Variants in WDR86 observed in about 807,000 individuals in gnomAD.
WDR86 encodes the protein WD repeat-containing protein 86.
A neutral mutation model predicts 36.5 loss-of-function variants in WDR86; 30 were observed. The ratio of observed to expected loss-of-function variants is 0.82; its 90% CI spans 0.61 to 1.11. The LOEUF (loss-of-function observed/expected upper bound fraction) is 1.11. Among genes scored for constraint, WDR86 ranks in the 50% most tolerant of loss-of-function variants. WDR86 has a pLI of 0.00. For missense variants in WDR86, 545 were observed against 561.2 expected (o/e 0.97, Z 0.29); for synonymous variants, 255 against 252.9 (o/e 1.01, Z -0.08).
intron 2 of WDR86, among the ~76,000 whole-genome samples, chr7:151,397,103 G>C (rs1243256757): frequency 6.6e-6 from 1 of 152,234 alleles, no homozygotes; most frequent in African/African-American, 2.4e-5. Context: ...TGCACCTCAG[G>C]AGAGGAGACC....
intron 2 of WDR86, 123 bp downstream of exon 2, chr7:151,399,977 C>T: frequency 2.1e-6 from 2 of 930,924 alleles, no homozygotes; most frequent in Non-Finnish European, 3.0e-6. Flanking sequence ...CCCAGCTGTC[C>T]ACGTTTTTGC....
chr7:151,374,153 C>T, downstream of WDR86: 1 of 1,576,796 alleles, frequency 6.3e-7, no homozygotes, highest in Non-Finnish European at 8.6e-7. Context: ...GCCTCGAGAA[C>T]ATCAGGTTTC....
At position 151,381,888 on chromosome 7, in the gene WDR86, T is replaced by G; in HGVS notation, c.956A>C (p.Asn319Thr). The G allele has an allele frequency of 6.2e-7, 1 of 1,608,298 alleles. No homozygotes were observed. Among genetic ancestry groups the G allele is most frequent in the Non-Finnish European group, 8.5e-7 (1 of 1,178,158 alleles). ...GGCAGAGGGACCTACCTGGATGCAG[T>G]TGATGATGAATGTGTGGCCCCGGAA... ...RVFRGHTFIINCIQVHGQVLY... is the reference protein window; with the variant it reads ...RVFRGHTFIITCIQVHGQVLY... Residue 319 changes from asparagine to threonine, a missense_variant, in exon 5 of 6, where the codon AAC becomes ACC. Asn to Thr is a moderately conservative substitution (Grantham distance 65, BLOSUM62 0). Transcript: ENST00000334493. This position sits in a 1 kb window ranked among gnomAD's most constrained non-coding sequence, Gnocchi z 4.8.
chr7:151,389,827 T>G (rs933036414), intron 3 of WDR86, among the ~76,000 whole-genome samples: 3 of 152,190 alleles, frequency 2.0e-5, no homozygotes, highest in African/African-American at 7.2e-5. Context: ...CCCGACTGCA[T>G]GCCGAGAGCA....
chr7:151,371,293 C>T (rs772810327), downstream of WDR86, among the ~76,000 whole-genome samples: 1 of 152,114 alleles, frequency 6.6e-6, no homozygotes, highest in Non-Finnish European at 1.5e-5. Context: ...TAGGATAGGT[C>T]TCAGGGTTAG....
rs1800687981 is a variant in WDR86 at position 151,406,166 on chromosome 7, C to T, written c.163+3261G>A. Among the ~76,000 whole-genome samples the T allele has an allele frequency of 6.6e-6, 1 of 152,190 alleles. No individual in the cohort carries two copies. The highest frequency in any genetic ancestry group is 6.5e-5 in the Admixed American group (1 of 15,290). On this transcript the variant is annotated intron_variant, in intron 1 of 5. Coordinates refer to ENST00000334493, the MANE Select transcript of WDR86 (RefSeq NM_198285.3). The surrounding 1 kb of genome is among the most constrained non-coding windows in gnomAD (Gnocchi z 4.4). ...AATTCCGTGTATGAACAAGTGAATG[C>T]ACCCACAGGGAGGGGCTCCCCACAC...
the WDR86 span, among the ~76,000 whole-genome samples, chr7:151,370,392 A>C: frequency 6.6e-6 from 1 of 152,290 alleles, no homozygotes; most frequent in African/African-American, 2.4e-5. Context: ...ACCAGCTGAA[A>C]AGTTGAGTTC....
Position 151,402,525 on chromosome 7 carries a change from C to T in WDR86, c.164-2284G>A, listed in dbSNP as rs112568208. On this transcript the variant is annotated intron_variant, in intron 1 of 5. Coordinates refer to ENST00000334493, the MANE Select transcript of WDR86 (RefSeq NM_198285.3). ...CCACTGGCAGCGGCTGGCTGGGGCT[C>T]GGGAGAGAAGCCTGAGCACTGGAGA... 3.6e-4 allele frequency among the ~76,000 whole-genome samples: 55 copies of T among 152,294 alleles called. No individual in the cohort carries two copies. In the East Asian group the frequency reaches 6.7e-3, roughly 19 times the overall value.
downstream of WDR86, chr7:151,377,270 C>T: frequency 1.5e-6 from 2 of 1,308,954 alleles, no homozygotes; most frequent in South Asian, 1.5e-5. Context: ...TAAATGCTAT[C>T]ATTATGAAAA....
chr7:151,378,108 T>C (rs1452269529), downstream of WDR86: 1 of 152,266 alleles, frequency 6.6e-6, no homozygotes, highest in Non-Finnish European at 1.5e-5. Flanking sequence ...ACAGAGGCTC[T>C]TTCTAAAAGT....
chr7:151,409,578 G>A lies in WDR86; in HGVS notation c.12C>T (p.Gly4=), dbSNP rs776646428. 8 of 1,401,740 alleles carry A rather than the reference G, an allele frequency of 5.7e-6. No individual in the cohort carries two copies. The East Asian group carries it at 1.2e-4, about 20-fold the overall frequency. The allele number at this position is 1,401,740 out of a possible 1,614,324, so 86.8% of individuals were successfully genotyped here. A position where few individuals can be genotyped will look rare whatever the true frequency, so the allele number is the denominator to read the frequency against. MGG[G]GSALRVCADH... ...CGGCGCAGACCCTCAGGGCCGACCC[G>A]CCGCCCCCCATCCCGCTGGCAGGGC... The change falls in exon 1 of 6, where the codon GGC becomes GGT. Residue 4 remains glycine, a synonymous_variant. Coordinates refer to ENST00000334493, the MANE Select transcript of WDR86 (RefSeq NM_198285.3). This position sits in a 1 kb window ranked among gnomAD's most constrained non-coding sequence, Gnocchi z 5.2.
chr7:151,397,675 A>AGG (rs113644518), intron 2 of WDR86, among the ~76,000 whole-genome samples: 2 of 40,112 alleles, frequency 5.0e-5, no homozygotes, highest in Non-Finnish European at 5.4e-5. Flanking sequence ...CGGGAGGAAG[A>AGG]GCATAGCGGG....
downstream of WDR86, among the ~76,000 whole-genome samples, chr7:151,371,688 C>T (rs1797965326): frequency 6.6e-6 from 1 of 152,194 alleles, no homozygotes; most frequent in African/African-American, 2.4e-5. Flanking sequence ...ATCTGCTGCC[C>T]TCGGAGTTCC....
intron 2 of WDR86, 142 bp from the exon 3 acceptor site, chr7:151,396,338 G>A: frequency 1.0e-6 from 1 of 990,220 alleles, no homozygotes; most frequent in East Asian, 2.6e-5. Flanking sequence ...GTCTTCCAAG[G>A]TCCAGCTCAA....
downstream of WDR86, chr7:151,374,300 G>A (rs1258202206): frequency 7.1e-6 from 11 of 1,539,656 alleles, no homozygotes; most frequent in South Asian, 1.3e-4. Flanking sequence ...CCTGCCCAGA[G>A]CTCCCTCCAT....
Position 151,390,526 on chromosome 7 carries a change from G to A in WDR86, c.726+5250C>T, listed in dbSNP as rs1282006780. ...TGGCAGTTCCTCAAAAAGCTGAACAGAGAATTACCAAGTCATCCGCAGTCC... is the reference window on the plus strand; with the variant it reads ...TGGCAGTTCCTCAAAAAGCTGAACAAAGAATTACCAAGTCATCCGCAGTCC... On this transcript the variant is annotated intron_variant, in intron 3 of 5. Coordinates refer to ENST00000334493, the MANE Select transcript of WDR86 (RefSeq NM_198285.3). The surrounding 1 kb of genome is among the most constrained non-coding windows in gnomAD (Gnocchi z 4.5). 6.6e-6 allele frequency among the ~76,000 whole-genome samples: 1 copy of A among 152,212 alleles called. No individual in the cohort carries two copies. Among genetic ancestry groups the A allele is most frequent in the Non-Finnish European group, 1.5e-5 (1 of 68,048 alleles).
At chr7:151,376,354 G>A (rs1403305628), downstream of WDR86, 4 of 494,024 alleles carry the variant, frequency 8.1e-6, no homozygotes, top group Admixed American at 3.5e-5. Flanking sequence ...CTGACCTCGC[G>A]GTGCTCGTGG....
Position 151,408,616 on chromosome 7 carries a change from C to G in WDR86, c.163+811G>C, listed in dbSNP as rs576345725. ...AGTTCACTGATGATGGTGGAAAAGCCCGCGGTGATAAAGAACTACCCACAG... is the reference window on the plus strand; with the variant it reads ...AGTTCACTGATGATGGTGGAAAAGCGCGCGGTGATAAAGAACTACCCACAG... On this transcript the variant is annotated intron_variant, in intron 1 of 5. Coordinates refer to ENST00000334493, the MANE Select transcript of WDR86 (RefSeq NM_198285.3). 1.5e-5 allele frequency: 4 copies of G among 262,108 alleles called. No homozygotes were observed. In the South Asian group the frequency reaches 1.8e-4, roughly 12 times the overall value. 16.2% of individuals were successfully genotyped at this position (262,108 alleles called of 1,614,324 possible).
At chr7:151,372,990 C>G (rs1401857413), downstream of WDR86, among the ~76,000 whole-genome samples, 2 of 152,200 alleles carry the variant, frequency 1.3e-5, no homozygotes, top group Non-Finnish European at 2.9e-5. Flanking sequence ...AGCAGCCACT[C>G]TGTTCTGCCT....
Sources: gnomAD v4.1 joint callset for allele counts (sites outside exome capture counted in the v4.1 genomes callset) on GRCh38, gnomAD v4.1.1 for gene constraint, Gnocchi (gnomAD v3.1) non-coding constraint, MANE v1.5 for transcripts, NCBI Gene and HGNC (gene_info 2026-07-23, HGNC 2026-07-21) for gene names.